Variants in ANO4 observed in about 807,000 individuals in gnomAD.
The protein encoded by ANO4 is anoctamin 4, also known as anoctamin-4.
Under a neutral mutation model 141.9 loss-of-function variants are expected in ANO4, and 69 were observed. That is an observed-to-expected ratio of 0.49 (90% CI 0.40 to 0.59). The LOEUF (loss-of-function observed/expected upper bound fraction) is 0.59. Among genes scored for constraint, ANO4 ranks in the 20% least tolerant of loss-of-function variants. ANO4 has a pLI of 0.00. For missense variants in ANO4, 894 were observed against 1,162.2 expected, an observed-to-expected ratio of 0.77 and a Z score of 3.36; for synonymous variants, 350 against 394.3, an observed-to-expected ratio of 0.89 and a Z score of 1.33.
chr12:100,830,172 C>A lies in ANO4; in HGVS notation c.-141+35145C>A, dbSNP rs114793520. Among the ~76,000 whole-genome samples, 139 of 152,166 alleles carry A rather than the reference C, an allele frequency of 9.1e-4. 1 individual carries two copies. Among genetic ancestry groups the A allele is most frequent in the African/African-American group, 3.2e-3 (135 of 41,544 alleles). On this transcript the variant is annotated intron_variant, in intron 1 of 27. Transcript: ENST00000392977. The stretch of plus-strand genomic sequence containing the variant: ...GTGTTCTCCAAATGGGAGATGGTTT[C>A]TCATTGCCACATTTCTGGCTGCTGC...
In ANO4 at chr12:101,089,922, C is replaced by A. The variant is rs555681769; in HGVS notation, c.1701+3098C>A. 2.0e-5 allele frequency among the ~76,000 whole-genome samples: 3 copies of A among 152,232 alleles called. No individual in the cohort carries two copies. In the South Asian group the frequency reaches 6.2e-4, roughly 32 times the overall value. On this transcript the variant is annotated intron_variant, in intron 17 of 27. Coordinates refer to ENST00000392977, the MANE Select transcript of ANO4 (RefSeq NM_001286615.2). ...ACAAGAAAAAAACAAACAACCCCATCAAAAAGTGAGCAAAGGATATGAACA... is the reference window on the plus strand; with the variant it reads ...ACAAGAAAAAAACAAACAACCCCATAAAAAAGTGAGCAAAGGATATGAACA...
At chr12:100,821,098 G>A (rs1473785745) in intron 1 of ANO4, among the ~76,000 whole-genome samples, 3 of 152,060 alleles carry the variant, frequency 2.0e-5, no homozygotes, top group South Asian at 2.1e-4. Context: ...ATTGGCTCAC[G>A]AATTCACCTG....
At chr12:101,059,416 G>A (rs1192559056) in intron 14 of ANO4, among the ~76,000 whole-genome samples, 1 of 152,190 alleles carries the variant, frequency 6.6e-6, no homozygotes, top group Non-Finnish European at 1.5e-5. Flanking sequence ...CTATTGTTTG[G>A]AATAGTTTCA....
chr12:100,982,123 A>G (rs985804469), intron 7 of ANO4, among the ~76,000 whole-genome samples: 5 of 152,218 alleles, frequency 3.3e-5, no homozygotes, highest in Admixed American at 6.5e-5. Context: ...TGTAGTCCAG[A>G]TATTAACTTG....
intron 1 of ANO4, among the ~76,000 whole-genome samples, chr12:100,725,712 T>C (rs898813541): frequency 6.6e-6 from 1 of 152,204 alleles, no homozygotes; most frequent in Non-Finnish European, 1.5e-5. Context: ...CTTCATAGTT[T>C]ATAAACAATA....
chr12:101,075,739 A>ATG (rs141329480), intron 14 of ANO4, among the ~76,000 whole-genome samples: 6 of 148,624 alleles, frequency 4.0e-5, no homozygotes, highest in Non-Finnish European at 7.4e-5. Flanking sequence ...TTATATATAT[A>ATG]TATATAACAA....
At chr12:100,968,158 A>T (rs999894143) in intron 5 of ANO4, among the ~76,000 whole-genome samples, 1 of 152,246 alleles carries the variant, frequency 6.6e-6, no homozygotes, top group Admixed American at 6.5e-5. Context: ...TGAATAAATC[A>T]AAACAGCTAT....
chr12:100,979,291 C>T (rs192329510), intron 7 of ANO4, among the ~76,000 whole-genome samples: 7 of 152,080 alleles, frequency 4.6e-5, no homozygotes, highest in African/African-American at 1.7e-4. Flanking sequence ...GGTTCTCAAA[C>T]ATGTGTCAGG....
upstream of ANO4, among the ~76,000 whole-genome samples, chr12:100,790,644 A>AG (rs548262269): frequency 3.5e-5 from 5 of 141,904 alleles, no homozygotes; most frequent in Non-Finnish European, 7.6e-5. Context: ...TTCTATCTTC[A>AG]GAAAAAAAAA....
chr12:101,058,044 G>T (rs972906467), intron 14 of ANO4, among the ~76,000 whole-genome samples: 1 of 152,086 alleles, frequency 6.6e-6, no homozygotes, highest in African/African-American at 2.4e-5. Flanking sequence ...TTTGAATAAA[G>T]TGTAAGGAAG....
rs556057754 is a variant in ANO4 at position 100,770,491 on chromosome 12, A to G, written c.358+30386A>G. On this transcript the variant is annotated intron_variant, in intron 3 of 29. Coordinates refer to the ANO4 transcript ENST00000644049. The stretch of plus-strand genomic sequence containing the variant: ...TAGCCTTTTTAGAAGTATGAAGGAC[A>G]GAATAGCTGAAAACGTAGAAGTTCA... Among the ~76,000 whole-genome samples, 451 of 152,378 alleles carry G rather than the reference A, an allele frequency of 3.0e-3. 5 individuals carry two copies. Among genetic ancestry groups the G allele is most frequent in the African/African-American group, 0.01 (419 of 41,592 alleles).
At chr12:101,017,667 C>T (rs1300178690) in intron 8 of ANO4, among the ~76,000 whole-genome samples, 1 of 152,228 alleles carries the variant, frequency 6.6e-6, no homozygotes, top group African/African-American at 2.4e-5. Flanking sequence ...CCTTTGGAGC[C>T]AGACTGCCTG....
rs113967392 is a variant in ANO4 at position 100,801,892 on chromosome 12, A to C, written c.-141+6865A>C. Among the ~76,000 whole-genome samples, 34 of 152,348 alleles carry C rather than the reference A, an allele frequency of 2.2e-4. 1 individual carries two copies. The highest frequency in any genetic ancestry group is 7.7e-4 in the African/African-American group (32 of 41,590). ...GTTAATAGGGTCTGGAAAATGCCAA[A>C]TAGAAATTTGTTTGGAATCTCTTCT... On this transcript the variant is annotated intron_variant, in intron 1 of 27. Transcript: ENST00000392977.
intron 22 of ANO4, among the ~76,000 whole-genome samples, chr12:101,105,661 GCA>G (rs1301634214): frequency 3.3e-5 from 5 of 152,152 alleles, no homozygotes; most frequent in African/African-American, 4.8e-5. Context: ...ATTGGGTTTA[GCA>G]CACAGAGACT....
In ANO4 at chr12:100,808,936, A is replaced by AT. The variant is rs554449359; in HGVS notation, c.-141+13911dup. 9.2e-5 allele frequency among the ~76,000 whole-genome samples: 14 copies of AT among 151,676 alleles called. No homozygotes were observed. The East Asian group carries it at 2.5e-3, about 27-fold the overall frequency. On this transcript the variant is annotated intron_variant, in intron 1 of 27. Transcript: ENST00000392977. ...ATTCTTTTGCAAAGTGTTCCATATC[A>AT]TTGTCTTATATTAATTCATTGACTA...
At chr12:100,939,529 T>C in intron 4 of ANO4, 78 bp downstream of exon 4, 1 of 1,490,264 alleles carries the variant, frequency 6.7e-7, no homozygotes, top group Non-Finnish European at 9.1e-7. Flanking sequence ...ATGGACTGTT[T>C]AAAGTCATAA....
chr12:100,797,385 G>T (rs968883596), intron 1 of ANO4, among the ~76,000 whole-genome samples: 2 of 147,258 alleles, frequency 1.4e-5, no homozygotes, highest in Admixed American at 1.4e-4. Context: ...GCATTTCCTT[G>T]TCTCACAGCA....
intron 2 of ANO4, among the ~76,000 whole-genome samples, chr12:100,902,398 G>A (rs1018296239): frequency 1.3e-5 from 2 of 152,138 alleles, no homozygotes; most frequent in African/African-American, 4.8e-5. Flanking sequence ...TTATTTGGGG[G>A]AAAAGCTCAT....
At chr12:100,743,795 C>G (rs1377477726) in intron 3 of ANO4, among the ~76,000 whole-genome samples, 1 of 152,048 alleles carries the variant, frequency 6.6e-6, no homozygotes, top group Non-Finnish European at 1.5e-5. Flanking sequence ...GTTTGTTATA[C>G]AAATTATTTA....
Sources: gnomAD v4.1 joint callset for allele counts (sites outside exome capture counted in the v4.1 genomes callset) on GRCh38, gnomAD v4.1.1 for gene constraint, MANE v1.5 for transcripts, NCBI Gene and HGNC (gene_info 2026-07-23, HGNC 2026-07-21) for gene names.